ZNF862: variants seen among roughly 807,000 people sequenced by gnomAD.
ZNF862 encodes the protein zinc finger protein 862.
A neutral mutation model predicts 91.1 loss-of-function variants in ZNF862; 64 were observed. That is an observed-to-expected ratio of 0.70 (90% CI 0.57 to 0.87). ZNF862 has a LOEUF of 0.87. Among genes scored for constraint, ZNF862 ranks in the 40% least tolerant of loss-of-function variants. The pLI is 0.00. For missense variants in ZNF862, 1,459 were observed against 1,528.0 expected, an observed-to-expected ratio of 0.95 and a Z score of 0.75; for synonymous variants, 631 against 618.1, an observed-to-expected ratio of 1.02 and a Z score of -0.31.
At position 149,861,273 on chromosome 7, in the gene ZNF862, A is replaced by G; in HGVS notation, c.2113A>G (p.Arg705Gly). The G allele has an allele frequency of 6.2e-7, 1 of 1,612,372 alleles. No homozygotes were observed. The highest frequency in any genetic ancestry group is 1.1e-5 in the South Asian group (1 of 90,980). Residue 705 changes from arginine to glycine, a missense_variant, in exon 7 of 8, where the codon AGA becomes GGA. Transcript: ENST00000223210. This position sits in a 1 kb window ranked among gnomAD's most constrained non-coding sequence, Gnocchi z 6.7. ...GTDGSAMLSC[R>G]GGLVEKFQEV... ...GGATGGCTCAGCCATGTTGAGCTGC[A>G]GAGGAGGCCTTGTGGAAAAGTTCCA...
In ZNF862 at chr7:149,860,412, G is replaced by A. The variant is rs371863206; in HGVS notation, c.1252G>A (p.Ala418Thr). The stretch of plus-strand genomic sequence containing the variant: ...CAAGAAGATGGTGGCAGTGAGAGAG[G>A]CAGACACACAGGCCTCGGCTGCAGA... ...GNKKMVAVRE[A>T]DTQASAADSA... The change falls in exon 7 of 8, where the codon GCA becomes ACA. Residue 418 changes from alanine (A) to threonine (T), a missense_variant. By Grantham distance (58) the Ala-to-Thr change is moderately conservative. Transcript: ENST00000223210. The A allele has an allele frequency of 6.8e-6, 11 of 1,612,848 alleles. No individual in the cohort carries two copies. The highest frequency in any genetic ancestry group is 3.3e-4 in the Middle Eastern group (2 of 6,054).
At chr7:149,863,730 A>G (rs902184590) in intron 7 of ZNF862, among the ~76,000 whole-genome samples, 23 of 152,158 alleles carry the variant, frequency 1.5e-4, no homozygotes, top group Non-Finnish European at 2.9e-4. Context: ...CAGCCTTGGC[A>G]TTGTTGATGC....
chr7:149,861,780 C>T lies in ZNF862; in HGVS notation c.2620C>T (p.Arg874Cys), dbSNP rs945906427. ...TACAGAGGTGAACGCCACGCTGGGCCGCGCCTACGTGGCACTGGAGAGCCT... is the reference window on the plus strand; with the variant it reads ...TACAGAGGTGAACGCCACGCTGGGCTGCGCCTACGTGGCACTGGAGAGCCT... ...LITEVNATLGRAYVALESLRH... is the reference protein window; with the variant it reads ...LITEVNATLGCAYVALESLRH... The change falls in exon 7 of 8, where the codon CGC becomes TGC. Residue 874 changes from arginine (R) to cysteine (C), a missense_variant. Arg to Cys is a radical substitution (Grantham distance 180, BLOSUM62 -3). Transcript: ENST00000223210. The surrounding 1 kb of genome is among the most constrained non-coding windows in gnomAD (Gnocchi z 6.7). The T allele has an allele frequency of 1.3e-5, 21 of 1,613,492 alleles. No homozygotes were observed. Among genetic ancestry groups the T allele is most frequent in the Middle Eastern group, 1.6e-4 (1 of 6,084 alleles).
chr7:149,844,105 A>G (rs1801793429), intron 1 of ZNF862, among the ~76,000 whole-genome samples: 1 of 152,128 alleles, frequency 6.6e-6, no homozygotes, highest in South Asian at 2.1e-4. Flanking sequence ...TCCTCCAAAC[A>G]CTTTCTGAAC....
At position 149,866,281 on chromosome 7, in the gene ZNF862, A is replaced by C. The variant is rs1321847606; in HGVS notation, c.*1997A>C. 1 of 152,188 alleles carries C rather than the reference A, an allele frequency of 6.6e-6. No homozygotes were observed. Among genetic ancestry groups the C allele is most frequent in the Non-Finnish European group, 1.5e-5 (1 of 68,058 alleles). 9.4% of individuals were successfully genotyped at this position (152,188 alleles called of 1,614,324 possible). ...TACTATCTGCGTGGCTAAGGCACAC[A>C]CAGGCCTCCTTCTCCCCATCACCGT... is the stretch of plus-strand genomic sequence containing the variant. On this transcript the variant is annotated 3_prime_UTR_variant, in exon 8 of 8. Coordinates refer to ENST00000223210, the MANE Select transcript of ZNF862 (RefSeq NM_001099220.3).
At chr7:149,859,946 G>T (rs1161886587) in intron 6 of ZNF862, 1 of 246,428 alleles carries the variant, frequency 4.1e-6, no homozygotes, top group African/African-American at 2.3e-5. Flanking sequence ...GCTTGTAGTT[G>T]CTACACTTAC....
chr7:149,859,276 G>A (rs371303656), intron 5 of ZNF862, 146 bp from the exon 6 acceptor site: 22 of 757,804 alleles, frequency 2.9e-5, no homozygotes, highest in South Asian at 1.5e-4. Context: ...CTGGGTTTGC[G>A]CTCAGCCTGC....
In ZNF862 at chr7:149,855,192, G is replaced by A. The variant is rs1802215696; in HGVS notation, c.1118-4230G>A. ...GGAGAGCGTGCCTGTGAGCTCACAAGCATGCTGGAACACATGGGGCAGAAT... is the reference window on the plus strand; with the variant it reads ...GGAGAGCGTGCCTGTGAGCTCACAAACATGCTGGAACACATGGGGCAGAAT... On this transcript the variant is annotated intron_variant, in intron 5 of 7. Transcript: ENST00000223210. This position sits in a 1 kb window ranked among gnomAD's most constrained non-coding sequence, Gnocchi z 4.1. Among the ~76,000 whole-genome samples, 1 of 152,224 alleles carries A rather than the reference G, an allele frequency of 6.6e-6. No individual in the cohort carries two copies. Among genetic ancestry groups the A allele is most frequent in the South Asian group, 2.1e-4 (1 of 4,832 alleles).
At chr7:149,847,093 G>A (rs954167438) in intron 3 of ZNF862, among the ~76,000 whole-genome samples, 4 of 152,164 alleles carry the variant, frequency 2.6e-5, no homozygotes, top group Non-Finnish European at 4.4e-5. Context: ...TCATCTAAGT[G>A]AATAAAGAAA....
In ZNF862 at chr7:149,846,254, A is replaced by G. The variant is rs1314748515; in HGVS notation, c.240A>G (p.Pro80=). Reference sequence around the variant, plus strand: ...AGAGGAGCCTTCTGGAGCATCACCCAGGTGAGTGTGGAACTGCACTCAGGG... The same window carrying G: ...AGAGGAGCCTTCTGGAGCATCACCCGGGTGAGTGTGGAACTGCACTCAGGG... The part of the protein sequence containing the change: ...QGQRSLLEHH[P]GKKQMGYMGE... Residue 80 remains proline, a splice_region_variant and synonymous_variant, in exon 3 of 8, where the codon CCA becomes CCG. Coordinates refer to ENST00000223210, the MANE Select transcript of ZNF862 (RefSeq NM_001099220.3). The G allele has an allele frequency of 6.2e-7, 1 of 1,612,542 alleles. No individual in the cohort carries two copies. The highest frequency in any genetic ancestry group is 8.5e-7 in the Non-Finnish European group (1 of 1,179,084).
Position 149,855,754 on chromosome 7 carries a change from G to A in ZNF862, c.1118-3668G>A, listed in dbSNP as rs1802237573. Among the ~76,000 whole-genome samples the A allele has an allele frequency of 1.3e-5, 2 of 152,108 alleles. No individual in the cohort carries two copies. The highest frequency in any genetic ancestry group is 1.3e-4 in the Admixed American group (2 of 15,280). On this transcript the variant is annotated intron_variant, in intron 5 of 7. Transcript: ENST00000223210. The surrounding 1 kb of genome is among the most constrained non-coding windows in gnomAD (Gnocchi z 4.1). ...GTCACGGGCAGGCCCCACAGACAAC[G>A]CCAGGCCTCTTCTCATTCCCCATGT... is the stretch of plus-strand genomic sequence containing the variant.
Position 149,848,015 on chromosome 7 carries a change from G to T in ZNF862, c.522G>T (p.Arg174=), listed in dbSNP as rs1228960321. ...AATACCCCTCCATCAGGGACAAACG[G>T]TCAAGACTAATAGAAGGTTATACAG... ...CREYPSIRDK[R]SRLIEGYTGP... The change falls in exon 4 of 8, where the codon CGG becomes CGT. Residue 174 remains arginine, a synonymous_variant. Coordinates refer to ENST00000223210, the MANE Select transcript of ZNF862 (RefSeq NM_001099220.3). The T allele has an allele frequency of 1.9e-6, 3 of 1,613,708 alleles. No individual in the cohort carries two copies. Among genetic ancestry groups the T allele is most frequent in the Non-Finnish European group, 2.5e-6 (3 of 1,179,732 alleles).
At chr7:149,849,744 T>G (rs1801997345) in intron 4 of ZNF862, among the ~76,000 whole-genome samples, 1 of 152,246 alleles carries the variant, frequency 6.6e-6, no homozygotes, top group African/African-American at 2.4e-5. Context: ...CAGTCACTGG[T>G]CATAAGCATC....
At chr7:149,839,853 A>C (rs1344999554) in intron 1 of ZNF862, among the ~76,000 whole-genome samples, 1 of 152,230 alleles carries the variant, frequency 6.6e-6, no homozygotes, top group South Asian at 2.1e-4. Context: ...AGATTGGTTT[A>C]GATTGAACCT....
intron 1 of ZNF862, among the ~76,000 whole-genome samples, chr7:149,844,275 A>C (rs1447233977): frequency 6.6e-6 from 1 of 152,168 alleles, no homozygotes; most frequent in Non-Finnish European, 1.5e-5. Flanking sequence ...AAGGTTTACC[A>C]TGTTTAAGGT....
chr7:149,842,466 G>T (rs1488999922), intron 1 of ZNF862, among the ~76,000 whole-genome samples: 1 of 152,190 alleles, frequency 6.6e-6, no homozygotes, highest in Non-Finnish European at 1.5e-5. Flanking sequence ...TATTCACGCA[G>T]ATTTGTGTTT....
chr7:149,846,015 A>C (rs1449332557), intron 2 of ZNF862, 136 bp from the exon 3 acceptor site: 3 of 645,112 alleles, frequency 4.7e-6, no homozygotes, highest in East Asian at 2.8e-5. Flanking sequence ...CAAGACTCCT[A>C]CTTTCCTCCT....
chr7:149,846,592 C>CTGAA (rs3832503), intron 3 of ZNF862, among the ~76,000 whole-genome samples: 48,633 of 151,732 alleles, frequency 0.32, 8,018 homozygotes, highest in African/African-American at 0.41. Flanking sequence ...TAGATAATCA[C>CTGAA]TGAATGAATG....
chr7:149,864,079 T>A, intron 7 of ZNF862, 30 bp from the exon 8 acceptor site: 2 of 1,549,932 alleles, frequency 1.3e-6, no homozygotes, highest in Non-Finnish European at 1.7e-6. Flanking sequence ...TGTCAGTCAG[T>A]CTAATTGTAT....
Sources: gnomAD v4.1 joint callset for allele counts (sites outside exome capture counted in the v4.1 genomes callset) on GRCh38, gnomAD v4.1.1 for gene constraint, Gnocchi (gnomAD v3.1) non-coding constraint, MANE v1.5 for transcripts, NCBI Gene and HGNC (gene_info 2026-07-23, HGNC 2026-07-21) for gene names.